The following SLC12A5 variants were observed in gnomAD, a reference collection of about 807,000 sequenced individuals.
The protein encoded by SLC12A5 is K-Cl cotransporter 2.
SLC12A5 carries 18 observed loss-of-function variants against 124.0 expected under a neutral mutation model. That is an observed-to-expected ratio of 0.15 (90% CI 0.10 to 0.22). SLC12A5 has a LOEUF of 0.22. Ranked by LOEUF, SLC12A5 falls within the 10% of genes least tolerant of loss-of-function variation. SLC12A5 has a pLI of 1.00. For missense variants in SLC12A5, 867 were observed against 1,478.7 expected, an observed-to-expected ratio of 0.59 and a Z score of 6.78; for synonymous variants, 589 against 568.0, an observed-to-expected ratio of 1.04 and a Z score of -0.53.
Position 46,053,193 on chromosome 20 carries a change from T to C in SLC12A5, c.2547+67T>C. 4.0e-6 allele frequency: 6 copies of C among 1,512,350 alleles called. No individual in the cohort carries two copies. The highest frequency in any genetic ancestry group is 5.4e-6 in the Non-Finnish European group (6 of 1,108,944). The allele number at this position is 1,512,350 out of a possible 1,614,324, so 93.7% of individuals were successfully genotyped here. A position where few individuals can be genotyped will look rare whatever the true frequency, so the allele number is the denominator to read the frequency against. ...ATGCATGTATGCATTTGTGTGCATATGTGCACAACTGCAGGTCAGACTCAG... is the reference window on the plus strand; with the variant it reads ...ATGCATGTATGCATTTGTGTGCATACGTGCACAACTGCAGGTCAGACTCAG... On this transcript the variant is annotated intron_variant, in intron 19 of 25. Transcript: ENST00000243964. This position sits in a 1 kb window ranked among gnomAD's most constrained non-coding sequence, Gnocchi z 4.7.
Position 46,043,143 on chromosome 20 carries a change from C to T in SLC12A5, c.1067-10C>T. On this transcript the variant is annotated splice_polypyrimidine_tract_variant and intron_variant, in intron 8 of 25. Transcript: ENST00000243964. ...GCTGGCCTCCCCCTGAGCATTCTGT[C>T]TCCCCACAGAGAACCTCTGGAGCTC... 3 of 1,612,668 alleles carry T rather than the reference C, an allele frequency of 1.9e-6. No homozygotes were observed. The highest frequency in any genetic ancestry group is 2.5e-6 in the Non-Finnish European group (3 of 1,179,062).
rs1336872176 is a variant in SLC12A5, at chr20:46,053,930, T to C, written c.2679+221T>C. On this transcript the variant is annotated intron_variant, in intron 20 of 25. Transcript: ENST00000243964. This position sits in a 1 kb window ranked among gnomAD's most constrained non-coding sequence, Gnocchi z 4.7. Reference sequence around the variant, plus strand: ...GCCAGGCACTGTTCTATGCACTTTATATGTACATAAATTCCAACAACGACC... The same window carrying C: ...GCCAGGCACTGTTCTATGCACTTTACATGTACATAAATTCCAACAACGACC... 1.3e-5 allele frequency among the ~76,000 whole-genome samples: 2 copies of C among 152,250 alleles called. No homozygotes were observed. The highest frequency in any genetic ancestry group is 2.9e-5 in the Non-Finnish European group (2 of 68,044).
intron 21 of SLC12A5, chr20:46,055,909 G>A (rs2084686120): frequency 9.4e-6 from 5 of 531,602 alleles, no homozygotes; most frequent in Admixed American, 6.5e-5. Context: ...GCTAGGCAGA[G>A]CCTTGCTGTG....
rs1240143607 is a variant in SLC12A5, at chr20:46,058,528, G to A, written c.*923G>A. The stretch of plus-strand genomic sequence containing the variant: ...TCGGCTCTTATGCAAGTTGGGGCCA[G>A]GATAGGGGAGGGGTGCTCCTCAAGA... On this transcript the variant is annotated 3_prime_UTR_variant, in exon 26 of 26. Coordinates refer to ENST00000243964, the MANE Select transcript of SLC12A5 (RefSeq NM_020708.5). This position sits in a 1 kb window ranked among gnomAD's most constrained non-coding sequence, Gnocchi z 5.8. 3 of 399,078 alleles carry A rather than the reference G, an allele frequency of 7.5e-6. No homozygotes were observed. Among genetic ancestry groups the A allele is most frequent in the Admixed American group, 4.4e-5 (1 of 22,724 alleles). 24.7% of individuals were successfully genotyped at this position (399,078 alleles called of 1,614,324 possible).
chr20:46,023,283 A>G (rs1368848389), intron 2 of SLC12A5: 1 of 398,352 alleles, frequency 2.5e-6, no homozygotes, highest in East Asian at 3.6e-5. Flanking sequence ...CTCTTTTCTC[A>G]TTTTCATGAA....
intron 11 of SLC12A5, among the ~76,000 whole-genome samples, chr20:46,044,479 A>G (rs1486504838): frequency 6.6e-6 from 1 of 152,180 alleles, no homozygotes; most frequent in Non-Finnish European, 1.5e-5. Flanking sequence ...TATCTCACTT[A>G]TCCTTCCTGC....
chr20:46,034,480 A>T (rs545309908), intron 1 of SLC12A5, among the ~76,000 whole-genome samples: 3 of 152,322 alleles, frequency 2.0e-5, no homozygotes, highest in South Asian at 2.1e-4. Flanking sequence ...CACGGTAGAC[A>T]CTTGGTAAAC....
chr20:46,039,169 A>G (rs1415296598), intron 6 of SLC12A5, among the ~76,000 whole-genome samples: 1 of 152,238 alleles, frequency 6.6e-6, no homozygotes, highest in African/African-American at 2.4e-5. Context: ...AGCAACTCAT[A>G]TTCTCTTTGT....
chr20:46,046,423 C>T lies in SLC12A5; in HGVS notation c.1774C>T (p.Arg592Ter). The change falls in exon 14 of 26, where the codon CGA becomes TGA. Residue 592 changes from arginine (R) to a stop codon, truncating the protein, a stop_gained. Transcript: ENST00000243964. LOFTEE classifies it high-confidence loss of function. ...LRTPNWRPRF[R>*]YYHWTLSFLG... The stretch of plus-strand genomic sequence containing the variant: ...GACACCCAACTGGAGGCCACGCTTT[C>T]GATATTACCACTGGTGGGTGCTCTG... The T allele has an allele frequency of 6.2e-7, 1 of 1,614,114 alleles. No homozygotes were observed. Among genetic ancestry groups the T allele is most frequent in the East Asian group, 2.2e-5 (1 of 44,878 alleles).
chr20:46,038,665 T>C (rs547776501), intron 6 of SLC12A5, among the ~76,000 whole-genome samples: 1 of 152,332 alleles, frequency 6.6e-6, no homozygotes, highest in South Asian at 2.1e-4. Flanking sequence ...CTTACAATAG[T>C]TAACATATGG....
Position 46,037,405 on chromosome 20 carries a change from AGGT to A in SLC12A5, c.612+22_612+24del. 1 of 1,598,946 alleles carries A rather than the reference AGGT, an allele frequency of 6.3e-7. No individual in the cohort carries two copies. Among genetic ancestry groups the A allele is most frequent in the Non-Finnish European group, 8.5e-7 (1 of 1,171,418 alleles). ...CTGCTGGTAAGAGAGGCTGAGGAGG[AGGT>A]GTGGAACCCCAGGTTGTCAGTCAGT... is the stretch of plus-strand genomic sequence containing the variant. On this transcript the variant is annotated intron_variant, in intron 6 of 25. Coordinates refer to ENST00000243964, the MANE Select transcript of SLC12A5 (RefSeq NM_020708.5).
upstream of SLC12A5, among the ~76,000 whole-genome samples, chr20:46,028,177 G>A (rs944203985): frequency 1.3e-5 from 2 of 152,262 alleles, no homozygotes; most frequent in South Asian, 2.1e-4. Context: ...AGAGCATGTC[G>A]GCTCTGGAAG....
At chr20:46,039,362 C>T (rs1031711390) in intron 6 of SLC12A5, among the ~76,000 whole-genome samples, 1 of 152,170 alleles carries the variant, frequency 6.6e-6, no homozygotes, top group Non-Finnish European at 1.5e-5. Context: ...TACTAATATA[C>T]GTATATATCT....
intron 1 of SLC12A5, among the ~76,000 whole-genome samples, chr20:46,034,485 G>T (rs1224504869): frequency 2.6e-5 from 4 of 152,196 alleles, no homozygotes; most frequent in Non-Finnish European, 4.4e-5. Context: ...TAGACACTTG[G>T]TAAACACATT....
chr20:46,039,634 GGGT>G (rs1388920339), intron 6 of SLC12A5, among the ~76,000 whole-genome samples: 2 of 152,044 alleles, frequency 1.3e-5, no homozygotes, highest in African/African-American at 4.8e-5. Flanking sequence ...AATTAGCCAG[GGGT>G]GGTGGTGGGC....
chr20:46,049,873 C>T (rs1021225528), intron 17 of SLC12A5, 83 bp downstream of exon 17: 5 of 1,415,536 alleles, frequency 3.5e-6, no homozygotes, highest in Admixed American at 2.8e-5. Context: ...TTTCCTTCCT[C>T]ATCACCTTCA....
intron 8 of SLC12A5, among the ~76,000 whole-genome samples, chr20:46,042,622 A>C (rs898094694): frequency 6.6e-6 from 1 of 152,144 alleles, no homozygotes; most frequent in Non-Finnish European, 1.5e-5. Context: ...ACAGCAAAGA[A>C]TTATCTGGCC....
rs565979910 is a variant in SLC12A5, at chr20:46,033,603, G to A, written c.53-1345G>A. ...TGATTCGTATATCCAGGTGGCTTCT[G>A]CATGTATCCACTTGAGTGCCCTACA... On this transcript the variant is annotated intron_variant, in intron 1 of 25. Coordinates refer to ENST00000243964, the MANE Select transcript of SLC12A5 (RefSeq NM_020708.5). Among the ~76,000 whole-genome samples, 11 of 152,228 alleles carry A rather than the reference G, an allele frequency of 7.2e-5. No individual in the cohort carries two copies. In the East Asian group the frequency reaches 2.1e-3, roughly 29 times the overall value.
chr20:46,043,122 G>C (rs772155984), intron 8 of SLC12A5, 31 bp from the exon 9 acceptor site: 4 of 1,607,664 alleles, frequency 2.5e-6, no homozygotes, highest in Non-Finnish European at 2.6e-6. Flanking sequence ...CTTATGGCTG[G>C]CCTCCCCCTG....
Sources: gnomAD v4.1 joint callset for allele counts (sites outside exome capture counted in the v4.1 genomes callset) on GRCh38, gnomAD v4.1.1 for gene constraint, Gnocchi (gnomAD v3.1) non-coding constraint, MANE v1.5 for transcripts, NCBI Gene and HGNC (gene_info 2026-07-23, HGNC 2026-07-21) for gene names.